The following MYO3A variants were observed in gnomAD, a reference collection of about 807,000 sequenced individuals.
MYO3A encodes the protein myosin-IIIa.
A neutral mutation model predicts 192.7 loss-of-function variants in MYO3A; 180 were observed. The ratio of observed to expected loss-of-function variants is 0.93; its 90% CI spans 0.83 to 1.06. The LOEUF (loss-of-function observed/expected upper bound fraction) is 1.06. Ranked by LOEUF, MYO3A falls within the 50% of genes least tolerant of loss-of-function variation. The probability of loss-of-function intolerance (pLI) is 0.00; values close to 1 mark genes in which losing one functional copy is unlikely to be tolerated. For synonymous variants in MYO3A, 628 were observed against 645.3 expected (o/e 0.97, Z 0.41); for missense variants, 1,896 against 1,905.0 (o/e 1.00, Z 0.09).
chr10:26,014,969 A>G (rs922507786), intron 6 of MYO3A, among the ~76,000 whole-genome samples: 2 of 152,188 alleles, frequency 1.3e-5, no homozygotes, highest in African/African-American at 4.8e-5. Context: ...GACTACAAGA[A>G]TAAAGCCTGC....
rs367916679 is a variant in MYO3A at position 25,954,317 on chromosome 10, A to G, written c.169-557A>G. On this transcript the variant is annotated intron_variant, in intron 3 of 34. Coordinates refer to ENST00000642920, the MANE Select transcript of MYO3A (RefSeq NM_017433.5). ...GTGGCTGTCTTTCATTCTGATTGAT[A>G]AGATAGCAACCTGTTCTTCTTTTGG... is the stretch of plus-strand genomic sequence containing the variant. Among the ~76,000 whole-genome samples the G allele has an allele frequency of 3.3e-5, 5 of 152,144 alleles. No individual in the cohort carries two copies. The East Asian group carries it at 7.7e-4, about 23-fold the overall frequency.
At chr10:26,072,701 T>TAA (rs59197337) in intron 14 of MYO3A, among the ~76,000 whole-genome samples, 15,099 of 149,666 alleles carry the variant, frequency 0.1, 815 homozygotes, top group Non-Finnish European at 0.12. Flanking sequence ...TCTATGTTTA[T>TAA]AAAAAAAAAA....
At chr10:25,986,097 A>G (rs1443338179) in intron 4 of MYO3A, among the ~76,000 whole-genome samples, 2 of 152,222 alleles carry the variant, frequency 1.3e-5, no homozygotes, top group Non-Finnish European at 2.9e-5. Context: ...AGAATTAAAA[A>G]TAATAATTAC....
chr10:26,180,171 G>A (rs1842553713), intron 31 of MYO3A, among the ~76,000 whole-genome samples: 2 of 152,090 alleles, frequency 1.3e-5, no homozygotes, highest in African/African-American at 4.8e-5. Context: ...CCTGAGTATA[G>A]TATTTAATAC....
chr10:26,048,330 G>A (rs1302257893), intron 10 of MYO3A, among the ~76,000 whole-genome samples: 1 of 150,560 alleles, frequency 6.6e-6, no homozygotes, highest in Admixed American at 6.6e-5. Context: ...CAGTTAGGTA[G>A]TATACATTTA....
At chr10:26,076,261 T>A (rs575815445) in intron 14 of MYO3A, among the ~76,000 whole-genome samples, 2 of 152,288 alleles carry the variant, frequency 1.3e-5, no homozygotes, top group Admixed American at 6.5e-5. Context: ...ATGTTGACCA[T>A]TTTTTCATAT....
intron 2 of MYO3A, among the ~76,000 whole-genome samples, chr10:25,938,893 T>C (rs748659986): frequency 1.6e-4 from 24 of 152,194 alleles, no homozygotes; most frequent in Non-Finnish European, 2.9e-4. Context: ...TATGAAGCAG[T>C]TATTACTAAG....
At chr10:26,185,865 T>C (rs1032288948) in intron 31 of MYO3A, among the ~76,000 whole-genome samples, 1 of 151,304 alleles carries the variant, frequency 6.6e-6, no homozygotes, top group Non-Finnish European at 1.5e-5. Context: ...GATCATAATA[T>C]GATCATAATA....
At chr10:26,173,381 T>C (rs995310075) in intron 29 of MYO3A, among the ~76,000 whole-genome samples, 4 of 152,330 alleles carry the variant, frequency 2.6e-5, no homozygotes, top group East Asian at 3.9e-4. Context: ...GTTCCTAGAA[T>C]TTTGATATCT....
intron 2 of MYO3A, among the ~76,000 whole-genome samples, chr10:25,944,455 G>A (rs573128345): frequency 6.6e-6 from 1 of 152,002 alleles, no homozygotes; most frequent in Non-Finnish European, 1.5e-5. Context: ...ATTTTTGGAA[G>A]AGTTTGAGAA....
chr10:26,064,125 A>G lies in MYO3A; in HGVS notation c.954-2850A>G, dbSNP rs1305661032. Among the ~76,000 whole-genome samples the G allele has an allele frequency of 2.0e-5, 3 of 152,224 alleles. No individual in the cohort carries two copies. The South Asian group carries it at 6.2e-4, about 32-fold the overall frequency. On this transcript the variant is annotated intron_variant, in intron 10 of 34. Coordinates refer to ENST00000642920, the MANE Select transcript of MYO3A (RefSeq NM_017433.5). ...ATGAGGAAAATTGGGGGAGAAGGCAATGGCTAAAAATAGAGCAGGAAAAGG... is the reference window on the plus strand; with the variant it reads ...ATGAGGAAAATTGGGGGAGAAGGCAGTGGCTAAAAATAGAGCAGGAAAAGG...
Position 26,026,439 on chromosome 10 carries a change from T to G in MYO3A, c.860T>G (p.Ile287Ser). ...TVSELLQHKFITQIEGKDVML... is the reference protein window; with the variant it reads ...TVSELLQHKFSTQIEGKDVML... ...TCAGAACTTTTACAGCATAAATTCA[T>G]TACTCAAATTGAGGGCAAAGATGTG... Residue 287 changes from isoleucine (I) to serine (S), a missense_variant, in exon 10 of 35, where the codon ATT (isoleucine) becomes AGT (serine). Transcript: ENST00000642920. 1 of 1,614,146 alleles carries G rather than the reference T, an allele frequency of 6.2e-7. No homozygotes were observed. Among genetic ancestry groups the G allele is most frequent in the Non-Finnish European group, 8.5e-7 (1 of 1,180,000 alleles).
chr10:26,088,483 C>A lies in MYO3A; in HGVS notation c.1562+78C>A. On this transcript the variant is annotated intron_variant, in intron 15 of 34. Coordinates refer to ENST00000642920, the MANE Select transcript of MYO3A (RefSeq NM_017433.5). ...TACTTTAATAGTAAAATGTCTTTCT[C>A]ATTCAATAAAATTTTATTTATCACT... The A allele has an allele frequency of 3.6e-6, 5 of 1,373,566 alleles. No homozygotes were observed. In the South Asian group the frequency reaches 4.8e-5, roughly 13 times the overall value. 85.1% of individuals were successfully genotyped at this position (1,373,566 alleles called of 1,614,324 possible). A position where few individuals can be genotyped will look rare whatever the true frequency, so the allele number is the denominator to read the frequency against.
intron 25 of MYO3A, among the ~76,000 whole-genome samples, chr10:26,156,743 G>A (rs1481855595): frequency 6.6e-6 from 1 of 152,014 alleles, no homozygotes; most frequent in Non-Finnish European, 1.5e-5. Flanking sequence ...TGGTTATATA[G>A]GTGAAGCTGT....
intron 4 of MYO3A, among the ~76,000 whole-genome samples, chr10:25,983,937 A>T (rs1256381320): frequency 6.6e-6 from 1 of 152,236 alleles, no homozygotes; most frequent in East Asian, 1.9e-4. Flanking sequence ...ACAAACTCGA[A>T]GGGATTGAGG....
intron 26 of MYO3A, among the ~76,000 whole-genome samples, chr10:26,162,459 A>T (rs936315518): frequency 6.6e-6 from 1 of 152,174 alleles, no homozygotes. Context: ...GCTATCTGTA[A>T]TCTCTCATTT....
At chr10:26,141,617 C>G (rs183916479) in intron 20 of MYO3A, among the ~76,000 whole-genome samples, 422 of 152,258 alleles carry the variant, frequency 2.8e-3, no homozygotes, top group Non-Finnish European at 3.7e-3. Context: ...AAGTTGTTTT[C>G]AACTTTGCAG....
intron 4 of MYO3A, among the ~76,000 whole-genome samples, chr10:25,971,680 C>A (rs1357792559): frequency 6.6e-6 from 1 of 152,120 alleles, no homozygotes; most frequent in Non-Finnish European, 1.5e-5. Flanking sequence ...TGCCTTCTGG[C>A]CTACATAGTT....
chr10:26,004,570 A>G (rs894275197), intron 6 of MYO3A, among the ~76,000 whole-genome samples: 3 of 152,124 alleles, frequency 2.0e-5, no homozygotes, highest in African/African-American at 7.2e-5. Context: ...TGGTTTTTAA[A>G]TGTAATTCTC....
Sources: gnomAD v4.1 joint callset for allele counts (sites outside exome capture counted in the v4.1 genomes callset) on GRCh38, gnomAD v4.1.1 for gene constraint, MANE v1.5 for transcripts, NCBI Gene and HGNC (gene_info 2026-07-23, HGNC 2026-07-21) for gene names.